Variants in MIB1 observed in about 807,000 individuals in gnomAD.
MIB1 encodes E3 ubiquitin-protein ligase MIB1.
A neutral mutation model predicts 124.5 loss-of-function variants in MIB1; 278 were observed. The observed-to-expected ratio is 2.23, with a 90% confidence interval of 2.02 to 2.47. MIB1 has a LOEUF of 2.47. Among genes scored for constraint, MIB1 ranks in the 30% most tolerant of loss-of-function variants. The pLI is 0.00. For missense variants in MIB1, 957 were observed against 1,254.4 expected, an observed-to-expected ratio of 0.76 and a Z score of 3.58; for synonymous variants, 446 against 429.4, an observed-to-expected ratio of 1.04 and a Z score of -0.48.
chr18:21,785,011 G>A (rs938672543), intron 6 of MIB1, among the ~76,000 whole-genome samples: 29 of 152,176 alleles, frequency 1.9e-4, no homozygotes, highest in African/African-American at 7.0e-4. Flanking sequence ...GATAGCAGTA[G>A]TAGAATTAGT....
At chr18:21,847,871 A>G (rs555404059) in intron 16 of MIB1, among the ~76,000 whole-genome samples, 3 of 152,212 alleles carry the variant, frequency 2.0e-5, no homozygotes, top group African/African-American at 7.2e-5. Context: ...GACATAACTA[A>G]TTTCCTTATG....
chr18:21,829,375 C>T (rs751655979), intron 12 of MIB1: 2 of 181,574 alleles, frequency 1.1e-5, no homozygotes, highest in Non-Finnish European at 2.3e-5. Context: ...GAGTGTATTT[C>T]GGAAACTTAA....
intron 20 of MIB1, among the ~76,000 whole-genome samples, chr18:21,860,468 A>G (rs1040261379): frequency 2.6e-5 from 4 of 152,168 alleles, no homozygotes; most frequent in Non-Finnish European, 5.9e-5. Flanking sequence ...AATAAAAGCA[A>G]CAATAAGATA....
chr18:21,822,323 G>A (rs1483626280), intron 12 of MIB1, among the ~76,000 whole-genome samples: 1 of 152,126 alleles, frequency 6.6e-6, no homozygotes, highest in Non-Finnish European at 1.5e-5. Flanking sequence ...AGTAGGCATA[G>A]TATATTCAAT....
At chr18:21,750,009 A>T (rs1443747799) in intron 1 of MIB1, among the ~76,000 whole-genome samples, 1 of 151,758 alleles carries the variant, frequency 6.6e-6, no homozygotes, top group African/African-American at 2.4e-5. Context: ...TAGAAATTTT[A>T]TCACCTTTTT....
chr18:21,864,597 CTG>C lies in MIB1; in HGVS notation c.2955_2956del (p.Cys985TrpfsTer6). On this transcript the variant is annotated frameshift_variant, in exon 21 of 21. Coordinates refer to ENST00000261537, the MANE Select transcript of MIB1 (RefSeq NM_020774.4). LOFTEE classifies it high-confidence loss of function. ...TTTGTGGTCACGGAACCTGTCAACT[CTG>C]TGGAGACCGCATGAGTGAATGTCCT... Reference protein sequence around the residue: ...FLCGHGTCQLCGDRMSECPIC... With the variant: ...FLCGHGTCQLXGDRMSECPIC... 1 of 1,613,792 alleles carries C rather than the reference CTG, an allele frequency of 6.2e-7. No homozygotes were observed.
In MIB1 at chr18:21,815,905, C is replaced by A. The variant is rs182034825; in HGVS notation, c.1677+92C>A. On this transcript the variant is annotated intron_variant, in intron 11 of 20. Transcript: ENST00000261537. ...TCTATGGTAAGCATTCCTTTGTTACCGTTCTCATATGTCATAGTAAATGAT... is the reference window on the plus strand; with the variant it reads ...TCTATGGTAAGCATTCCTTTGTTACAGTTCTCATATGTCATAGTAAATGAT... The A allele has an allele frequency of 4.0e-3, 4,527 of 1,119,196 alleles. 24 individuals carry two copies. The highest frequency in any genetic ancestry group is 9.4e-3 in the Middle Eastern group (39 of 4,166). 69.3% of individuals were successfully genotyped at this position (1,119,196 alleles called of 1,614,324 possible). A position where few individuals can be genotyped will look rare whatever the true frequency, so the allele number is the denominator to read the frequency against.
intron 12 of MIB1, chr18:21,828,719 A>C (rs1425114209): frequency 5.2e-6 from 1 of 193,148 alleles, no homozygotes; most frequent in African/African-American, 2.4e-5. Context: ...TAATAATGAG[A>C]GTGCCTAATT....
intron 3 of MIB1, among the ~76,000 whole-genome samples, chr18:21,772,757 C>T (rs2041237174): frequency 6.6e-6 from 1 of 151,892 alleles, no homozygotes; most frequent in Admixed American, 6.6e-5. Flanking sequence ...TCTGGGTTTC[C>T]ATGGTAGGCA....
At chr18:21,819,911 T>TA (rs1042491054) in intron 12 of MIB1, among the ~76,000 whole-genome samples, 3 of 152,212 alleles carry the variant, frequency 2.0e-5, no homozygotes, top group Non-Finnish European at 2.9e-5. Flanking sequence ...AAGATTTAAT[T>TA]AAAATGCATT....
At chr18:21,821,969 GTCTTTC>G (rs1250613209) in intron 12 of MIB1, among the ~76,000 whole-genome samples, 5 of 152,056 alleles carry the variant, frequency 3.3e-5, no homozygotes, top group African/African-American at 1.2e-4. Context: ...GTGCACTTCT[GTCTTTC>G]TCTTTACATT....
intron 1 of MIB1, among the ~76,000 whole-genome samples, chr18:21,724,727 A>AAAT (rs1350936232): frequency 6.9e-4 from 12 of 17,374 alleles, no homozygotes; most frequent in African/African-American, 1.5e-3. Flanking sequence ...AAAAAAAAAA[A>AAAT]ATATATATAT....
rs549024840 is a variant in MIB1 at position 21,803,851 on chromosome 18, A to G, written c.1372-56A>G. 39 of 1,300,672 alleles carry G rather than the reference A, an allele frequency of 3.0e-5. No individual in the cohort carries two copies. The East Asian group carries it at 3.3e-4, about 11-fold the overall frequency. 80.6% of individuals were successfully genotyped at this position (1,300,672 alleles called of 1,614,324 possible). A position where few individuals can be genotyped will look rare whatever the true frequency, so the allele number is the denominator to read the frequency against. Reference sequence around the variant, plus strand: ...ACTTAAACCTACACCGTATGTATATATTGCCTGTTTCTGATTATTCATTCA... The same window carrying G: ...ACTTAAACCTACACCGTATGTATATGTTGCCTGTTTCTGATTATTCATTCA... On this transcript the variant is annotated intron_variant, in intron 9 of 20. Transcript: ENST00000261537.
Position 21,853,120 on chromosome 18 carries a change from T to G in MIB1, c.2587-20T>G. ...ATTTATCTGTAAATGGTCACTGTGCTGTAACCTCTTTTTCTATAGATTGAA... is the reference window on the plus strand; with the variant it reads ...ATTTATCTGTAAATGGTCACTGTGCGGTAACCTCTTTTTCTATAGATTGAA... On this transcript the variant is annotated intron_variant, in intron 17 of 20. Coordinates refer to ENST00000261537, the MANE Select transcript of MIB1 (RefSeq NM_020774.4). The G allele has an allele frequency of 1.9e-6, 3 of 1,548,920 alleles. No homozygotes were observed. In the South Asian group the frequency reaches 3.4e-5, roughly 17 times the overall value.
At chr18:21,734,990 C>T (rs2040789619) in intron 1 of MIB1, among the ~76,000 whole-genome samples, 1 of 152,186 alleles carries the variant, frequency 6.6e-6, no homozygotes, top group Non-Finnish European at 1.5e-5. Context: ...ATTTTCAAGT[C>T]TCCTTGTGTA....
Position 21,712,932 on chromosome 18 carries a change from T to C in MIB1, n.167+7809T>C, listed in dbSNP as rs557338485. On this transcript the variant is annotated intron_variant and non_coding_transcript_variant, in intron 1 of 20. Coordinates refer to the MIB1 transcript ENST00000578646. Reference sequence around the variant, plus strand: ...GCTCTTTTTTTTGCCCACCAATGTATCTATTATAGGAATATTTTATATTTA... The same window carrying C: ...GCTCTTTTTTTTGCCCACCAATGTACCTATTATAGGAATATTTTATATTTA... Among the ~76,000 whole-genome samples the C allele has an allele frequency of 2.0e-5, 3 of 152,184 alleles. No homozygotes were observed. In the East Asian group the frequency reaches 5.8e-4, roughly 29 times the overall value.
chr18:21,840,661 ATATATTTT>A (rs1402263946), intron 13 of MIB1, among the ~76,000 whole-genome samples: 118 of 1,840 alleles, frequency 0.064, no homozygotes, highest in African/African-American at 0.1. Context: ...ATATATATAT[ATATATTTT>A]TTTTTTTTTT....
chr18:21,709,595 C>T (rs765128819), intron 1 of MIB1, among the ~76,000 whole-genome samples: 6 of 152,174 alleles, frequency 3.9e-5, no homozygotes, highest in Non-Finnish European at 7.3e-5. Flanking sequence ...TTGTATCTCA[C>T]CTTCCTCCCA....
chr18:21,715,673 C>A (rs1265690697), intron 1 of MIB1, among the ~76,000 whole-genome samples: 2 of 151,244 alleles, frequency 1.3e-5, no homozygotes, highest in Non-Finnish European at 2.9e-5. Context: ...TAAAAAAAAT[C>A]AAAACTTCAG....
Sources: allele counts gnomAD v4.1 joint callset (sites outside exome capture counted in the v4.1 genomes callset), GRCh38; gene constraint gnomAD v4.1.1; transcripts MANE v1.5; gene names NCBI Gene and HGNC (gene_info 2026-07-23, HGNC 2026-07-21).